Variants in GABRB2 observed in about 807,000 individuals in gnomAD.
GABRB2 encodes the protein gamma-aminobutyric acid receptor subunit beta-2.
Under a neutral mutation model 54.7 loss-of-function variants are expected in GABRB2, and 16 were observed. The observed-to-expected ratio is 0.29, with a 90% CI of 0.20 to 0.44. GABRB2 has a LOEUF of 0.44. GABRB2 is among the 20% of genes least tolerant of loss of function. GABRB2 has a pLI of 1.00. For synonymous variants in GABRB2, 244 were observed against 233.8 expected (o/e 1.04, Z -0.40); for missense variants, 355 against 644.0 (o/e 0.55, Z 4.86).
rs113662493 is a variant in GABRB2, at chr5:161,449,810, A to G, written c.458+9814T>C. On this transcript the variant is annotated intron_variant, in intron 4 of 9. Transcript: ENST00000393959. ...CACATGCACACACACAATAGCAACA[A>G]TTTTAAACATCTACTGGGAAATACT... Among the ~76,000 whole-genome samples, 523 of 152,148 alleles carry G rather than the reference A, an allele frequency of 3.4e-3. 4 individuals carry two copies. Among genetic ancestry groups the G allele is most frequent in the African/African-American group, 0.012 (487 of 41,496 alleles).
intron 5 of GABRB2, among the ~76,000 whole-genome samples, chr5:161,357,118 T>C (rs545315270): frequency 6.6e-6 from 1 of 152,322 alleles, no homozygotes; most frequent in African/African-American, 2.4e-5. Context: ...ATAGGTGCTT[T>C]GGACAAATGA....
chr5:161,379,343 A>C (rs1294504957), intron 5 of GABRB2, among the ~76,000 whole-genome samples: 1 of 152,140 alleles, frequency 6.6e-6, no homozygotes, highest in Non-Finnish European at 1.5e-5. Context: ...CACCTCCTTA[A>C]TATTCCAAGA....
intron 3 of GABRB2, among the ~76,000 whole-genome samples, chr5:161,466,226 A>G (rs2113283915): frequency 6.6e-6 from 1 of 152,218 alleles, no homozygotes; most frequent in Non-Finnish European, 1.5e-5. Flanking sequence ...AAGTGTACAT[A>G]ATGTCAAAAT....
chr5:161,523,374 T>C (rs1472540789), intron 3 of GABRB2, among the ~76,000 whole-genome samples: 2 of 151,500 alleles, frequency 1.3e-5, no homozygotes. Context: ...AAAATCCGAC[T>C]GTGTTACATT....
intron 3 of GABRB2, among the ~76,000 whole-genome samples, chr5:161,544,868 T>C (rs1174606042): frequency 6.6e-6 from 1 of 152,126 alleles, no homozygotes; most frequent in East Asian, 1.9e-4. Context: ...ATCAAAACTC[T>C]CCCTTCTTCC....
chr5:161,417,904 A>G (rs1415147757), intron 4 of GABRB2, among the ~76,000 whole-genome samples: 1 of 152,214 alleles, frequency 6.6e-6, no homozygotes, highest in Non-Finnish European at 1.5e-5. Context: ...AAAAGTCCTC[A>G]TAGTCATATG....
At position 161,335,040 on chromosome 5, in the gene GABRB2, T is replaced by C. The variant is rs1329992922; in HGVS notation, c.680-136A>G. On this transcript the variant is annotated intron_variant, in intron 6 of 9. Transcript: ENST00000393959. The stretch of plus-strand genomic sequence containing the variant: ...TGAAGGACACTTTCTTCTGCAAAAG[T>C]AGTCTGAGAGCCCTGAGTTTCTAAT... 10 of 818,140 alleles carry C rather than the reference T, an allele frequency of 1.2e-5. No homozygotes were observed. In the African/African-American group the frequency reaches 1.4e-4, roughly 11 times the overall value. The allele number at this position is 818,140 out of a possible 1,614,324, so 50.7% of individuals were successfully genotyped here. A position where few individuals can be genotyped will look rare whatever the true frequency, so the allele number is the denominator to read the frequency against.
At chr5:161,350,684 C>T (rs1042647025) in intron 5 of GABRB2, among the ~76,000 whole-genome samples, 1 of 152,042 alleles carries the variant, frequency 6.6e-6, no homozygotes, top group African/African-American at 2.4e-5. Flanking sequence ...AGCAGACCCA[C>T]CCTCAATCTG....
intron 4 of GABRB2, among the ~76,000 whole-genome samples, chr5:161,437,800 G>A (rs1218344726): frequency 6.6e-6 from 1 of 152,126 alleles, no homozygotes; most frequent in East Asian, 1.9e-4. Context: ...GTAAGGGTGA[G>A]GCTATCCTGC....
chr5:161,333,669 T>C (rs1358506114), intron 7 of GABRB2, among the ~76,000 whole-genome samples: 1 of 152,202 alleles, frequency 6.6e-6, no homozygotes, highest in Non-Finnish European at 1.5e-5. Flanking sequence ...ACATTATCTT[T>C]GCTACTTCCC....
At chr5:161,331,704 A>T (rs1224679116) in intron 7 of GABRB2, among the ~76,000 whole-genome samples, 1 of 152,104 alleles carries the variant, frequency 6.6e-6, no homozygotes, top group Non-Finnish European at 1.5e-5. Context: ...AATCGTGAGA[A>T]GACTGGAGGT....
At chr5:161,376,584 A>G (rs546304568) in intron 5 of GABRB2, among the ~76,000 whole-genome samples, 3 of 152,306 alleles carry the variant, frequency 2.0e-5, no homozygotes, top group African/African-American at 7.2e-5. Context: ...CTGTTCATGT[A>G]AGGATATTTA....
chr5:161,421,221 A>G (rs375579031), intron 4 of GABRB2, among the ~76,000 whole-genome samples: 12 of 152,272 alleles, frequency 7.9e-5, no homozygotes, highest in African/African-American at 2.9e-4. Context: ...ATTAAGGACC[A>G]CCACCTGTGA....
chr5:161,450,195 C>T (rs902308649), intron 4 of GABRB2, among the ~76,000 whole-genome samples: 1 of 152,112 alleles, frequency 6.6e-6, no homozygotes, highest in African/African-American at 2.4e-5. Flanking sequence ...CAATCCCCTT[C>T]ACAACTTTGG....
chr5:161,460,793 A>G (rs1260652699), intron 3 of GABRB2, among the ~76,000 whole-genome samples: 1 of 152,180 alleles, frequency 6.6e-6, no homozygotes, highest in African/African-American at 2.4e-5. Context: ...AATCAACAGA[A>G]TCATGTAAAA....
intron 5 of GABRB2, among the ~76,000 whole-genome samples, chr5:161,407,144 A>G (rs1473244139): frequency 6.6e-6 from 1 of 152,096 alleles, no homozygotes; most frequent in Non-Finnish European, 1.5e-5. Flanking sequence ...CCCTAAGTGG[A>G]AAACCTGGAA....
chr5:161,545,343 T>C, intron 2 of GABRB2, 49 bp from the exon 3 acceptor site: 6 of 1,460,960 alleles, frequency 4.1e-6, no homozygotes, highest in Non-Finnish European at 4.7e-6. Flanking sequence ...CTTCATTCAT[T>C]CTCAGCAAGA....
At chr5:161,531,578 T>C (rs1172638280) in intron 3 of GABRB2, among the ~76,000 whole-genome samples, 5 of 152,124 alleles carry the variant, frequency 3.3e-5, no homozygotes, top group African/African-American at 1.2e-4. Context: ...AAGGTAGGAA[T>C]AAATGTGACT....
At chr5:161,307,543 T>C (rs1235453798) in intron 9 of GABRB2, among the ~76,000 whole-genome samples, 10 of 152,236 alleles carry the variant, frequency 6.6e-5, no homozygotes, top group African/African-American at 2.4e-4. Context: ...ATTAGCTATG[T>C]GAGCTTGGGC....
Sources: allele counts gnomAD v4.1 joint callset (sites outside exome capture counted in the v4.1 genomes callset), GRCh38; gene constraint gnomAD v4.1.1; transcripts MANE v1.5; gene names NCBI Gene and HGNC (gene_info 2026-07-23, HGNC 2026-07-21).